CTNNA3: variants seen among roughly 807,000 people sequenced by gnomAD.
The protein encoded by CTNNA3 is catenin alpha-3.
In CTNNA3, 76 loss-of-function variants were observed where a neutral mutation model predicts 95.7. The ratio of observed to expected loss-of-function variants is 0.79; its 90% CI spans 0.66 to 0.96. The LOEUF is 0.96. Ranked by LOEUF, CTNNA3 falls within the 40% of genes least tolerant of loss-of-function variation. CTNNA3 has a pLI of 0.00. For synonymous variants in CTNNA3, 431 were observed against 374.4 expected (o/e 1.15, Z -1.74); for missense variants, 1,191 against 1,089.8 (o/e 1.09, Z -1.31).
chr10:66,385,029 G>C (rs901310337), intron 11 of CTNNA3, among the ~76,000 whole-genome samples: 14 of 152,238 alleles, frequency 9.2e-5, no homozygotes, highest in Admixed American at 9.2e-4. Context: ...ACAATTAAAA[G>C]AACTAGAGAA....
At chr10:66,603,923 T>G (rs893907791) in intron 10 of CTNNA3, among the ~76,000 whole-genome samples, 1 of 151,980 alleles carries the variant, frequency 6.6e-6, no homozygotes, top group African/African-American at 2.4e-5. Context: ...TATACAAAAA[T>G]CAAATAAAAT....
At chr10:66,819,632 A>T (rs1842227751) in intron 7 of CTNNA3, among the ~76,000 whole-genome samples, 2 of 152,202 alleles carry the variant, frequency 1.3e-5, no homozygotes, top group African/African-American at 4.8e-5. Context: ...ATATAAAGCA[A>T]TATTACAACT....
At chr10:66,870,508 C>T (rs1352404096) in intron 7 of CTNNA3, among the ~76,000 whole-genome samples, 1 of 152,044 alleles carries the variant, frequency 6.6e-6, no homozygotes, top group Non-Finnish European at 1.5e-5. Context: ...CTAACTTTAC[C>T]ATCTTATTAA....
chr10:66,061,623 C>G (rs539237641), intron 15 of CTNNA3, among the ~76,000 whole-genome samples: 11 of 152,050 alleles, frequency 7.2e-5, no homozygotes, highest in African/African-American at 2.4e-4. Context: ...TAACCTATCA[C>G]TTTCTTCATG....
In CTNNA3 at chr10:67,356,896, AC is replaced by A. The variant is rs1259623971; in HGVS notation, c.580-137027del. On this transcript the variant is annotated intron_variant, in intron 5 of 17. Coordinates refer to ENST00000433211, the MANE Select transcript of CTNNA3 (RefSeq NM_013266.4). ...TATCTAAACATGGGCTGAGAGGATT[AC>A]ACACCATCCTTACTGGTTTCACTTT... Among the ~76,000 whole-genome samples, 29 of 152,214 alleles carry A rather than the reference AC, an allele frequency of 1.9e-4. 1 individual carries two copies. The highest frequency in any genetic ancestry group is 6.3e-4 in the African/African-American group (26 of 41,544).
At chr10:67,573,741 T>G (rs553664985) in intron 3 of CTNNA3, among the ~76,000 whole-genome samples, 1 of 146,854 alleles carries the variant, frequency 6.8e-6, no homozygotes, top group South Asian at 2.3e-4. Context: ...TCCTTCCCTC[T>G]CTCCTTCCCT....
intron 11 of CTNNA3, among the ~76,000 whole-genome samples, chr10:66,498,529 A>G (rs1351414893): frequency 1.3e-5 from 2 of 152,202 alleles, no homozygotes; most frequent in Non-Finnish European, 2.9e-5. Flanking sequence ...AAAGACATAT[A>G]AATCCCACAT....
chr10:65,953,711 G>A (rs142415955), intron 17 of CTNNA3, among the ~76,000 whole-genome samples: 3,975 of 152,194 alleles, frequency 0.026, 161 homozygotes, highest in African/African-American at 0.09. Flanking sequence ...CAAAGGTCAC[G>A]AACTCATCCT....
chr10:66,934,211 C>A (rs12764815), intron 7 of CTNNA3, among the ~76,000 whole-genome samples: 6,626 of 152,122 alleles, frequency 0.044, 178 homozygotes, highest in Middle Eastern at 0.085. Context: ...CTATCTTATC[C>A]TTTCCAGCAA....
chr10:66,466,897 T>C (rs979008944), intron 11 of CTNNA3, among the ~76,000 whole-genome samples: 1 of 152,160 alleles, frequency 6.6e-6, no homozygotes, highest in African/African-American at 2.4e-5. Flanking sequence ...CTTTGCCTGC[T>C]TCTTCTTCAT....
chr10:66,853,405 A>T (rs1397863974), intron 7 of CTNNA3, among the ~76,000 whole-genome samples: 1 of 152,168 alleles, frequency 6.6e-6, no homozygotes, highest in Non-Finnish European at 1.5e-5. Context: ...CAATTAGTCA[A>T]TTGGAACATT....
chr10:66,692,100 A>G, intron 9 of CTNNA3, among the ~76,000 whole-genome samples: 1 of 152,240 alleles, frequency 6.6e-6, no homozygotes, highest in Non-Finnish European at 1.5e-5. Context: ...GCAATGGAAC[A>G]AAGCTGGACA....
In CTNNA3 at chr10:66,695,891, C is replaced by G. The variant is rs1214328744; in HGVS notation, c.1281+70373G>C. Among the ~76,000 whole-genome samples, 3 of 115,722 alleles carry G rather than the reference C, an allele frequency of 2.6e-5. No homozygotes were observed. The Admixed American group carries it at 3.4e-4, about 13-fold the overall frequency. 75.9% of individuals were successfully genotyped at this position (115,722 alleles called of 152,430 possible). On this transcript the variant is annotated intron_variant, in intron 9 of 17. Coordinates refer to ENST00000433211, the MANE Select transcript of CTNNA3 (RefSeq NM_013266.4). ...AACTAATGGAGACAACTTAGCCCAT[C>G]TAAAAATTGGGTGAAAGAGACGTAA... is the stretch of plus-strand genomic sequence containing the variant.
At chr10:67,241,881 A>C (rs1367005281) in intron 5 of CTNNA3, among the ~76,000 whole-genome samples, 1 of 152,170 alleles carries the variant, frequency 6.6e-6, no homozygotes, top group African/African-American at 2.4e-5. Context: ...CCAAGCAGCT[A>C]TGATGCTTCC....
At chr10:66,046,362 C>A (rs571098478) in intron 15 of CTNNA3, among the ~76,000 whole-genome samples, 1 of 152,130 alleles carries the variant, frequency 6.6e-6, no homozygotes, top group Non-Finnish European at 1.5e-5. Flanking sequence ...GACCCTGGAG[C>A]CTTAGATACT....
intron 7 of CTNNA3, among the ~76,000 whole-genome samples, chr10:66,944,223 A>G (rs1311336753): frequency 1.3e-5 from 2 of 152,210 alleles, no homozygotes; most frequent in East Asian, 3.8e-4. Context: ...GAAATATTCT[A>G]AATCATTTGT....
chr10:66,488,912 T>C (rs577027801), intron 11 of CTNNA3, among the ~76,000 whole-genome samples: 11 of 152,222 alleles, frequency 7.2e-5, no homozygotes, highest in African/African-American at 2.6e-4. Context: ...AGTAGACTTT[T>C]TTTTTTGGTG....
At chr10:66,195,474 G>T (rs2086904165) in intron 13 of CTNNA3, among the ~76,000 whole-genome samples, 1 of 139,698 alleles carries the variant, frequency 7.2e-6, no homozygotes, top group Admixed American at 6.9e-5. Flanking sequence ...CATTTGTATT[G>T]TTATGATCAA....
intron 17 of CTNNA3, among the ~76,000 whole-genome samples, chr10:65,923,712 T>C (rs1319786665): frequency 2.0e-5 from 3 of 152,190 alleles, no homozygotes; most frequent in Non-Finnish European, 4.4e-5. Flanking sequence ...CACAGTAGAT[T>C]TGTCCTTTGT....
Sources: gnomAD v4.1 joint callset for allele counts (sites outside exome capture counted in the v4.1 genomes callset) on GRCh38, gnomAD v4.1.1 for gene constraint, MANE v1.5 for transcripts, NCBI Gene and HGNC (gene_info 2026-07-23, HGNC 2026-07-21) for gene names.